ZNF185: variants seen among roughly 807,000 people sequenced by gnomAD.
The protein encoded by ZNF185 is zinc finger protein 185.
Under a neutral mutation model 58.6 loss-of-function variants are expected in ZNF185, and 56 were observed. The observed-to-expected ratio is 0.95, with a 90% CI of 0.77 to 1.19. The LOEUF (loss-of-function observed/expected upper bound fraction) is 1.19. ZNF185 is among the 50% of genes most tolerant of loss of function. ZNF185 has a pLI of 0.00. For synonymous variants in ZNF185, 230 were observed against 215.9 expected, an observed-to-expected ratio of 1.07 and a Z score of -0.57; for missense variants, 627 against 573.5, an observed-to-expected ratio of 1.09 and a Z score of -0.95.
chrX:152,959,585 T>C (rs1478978607), intron 16 of ZNF185, 114 bp from the exon 19 acceptor site: 1 of 862,454 alleles, frequency 1.2e-6, no homozygotes, highest in East Asian at 3.4e-5. Flanking sequence ...TGCCCCACTC[T>C]TGGGGAGATG....
intron 21 of ZNF185, 21 bp downstream of exon 23, chrX:152,969,505 A>T: frequency 8.8e-7 from 1 of 1,140,772 alleles, no homozygotes. Flanking sequence ...GGTGGAAGAC[A>T]CCTTGAGCTA....
intron 11 of ZNF185, among the ~76,000 whole-genome samples, chrX:152,924,079 T>TA (rs1246560660): frequency 1.8e-5 from 2 of 109,587 alleles, no homozygotes; most frequent in African/African-American, 6.9e-5. Context: ...CCTGGGCCCT[T>TA]ATATGCTCAT....
intron 14 of ZNF185, among the ~76,000 whole-genome samples, chrX:152,934,975 C>G (rs1314805172): frequency 9.0e-6 from 1 of 111,283 alleles, no homozygotes; most frequent in Non-Finnish European, 1.9e-5. Context: ...AGGCGTGGAC[C>G]ACCACGCCTG....
At position 152,935,396 on chromosome X, in the gene ZNF185, C is replaced by T. The variant is rs782505163; in HGVS notation, c.1121+2425C>T. ...GACTACAGGCGCCCGCCACCACGCC[C>T]GGCTAATTTTTTGTATTTTTTAGTA... is the stretch of plus-strand genomic sequence containing the variant. On this transcript the variant is annotated intron_variant, in intron 14 of 22. Coordinates refer to ENST00000449285, the Ensembl canonical transcript of ZNF185. Among the ~76,000 whole-genome samples, 11 of 109,466 alleles carry T rather than the reference C, an allele frequency of 1.0e-4. No homozygotes were observed. The South Asian group carries it at 2.0e-3, about 20-fold the overall frequency.
the ZNF185 span, among the ~76,000 whole-genome samples, chrX:152,908,858 G>A: frequency 8.8e-6 from 1 of 113,631 alleles, no homozygotes; most frequent in African/African-American, 3.2e-5. Context: ...GCTCTTGTGC[G>A]TGGGCTGCAC....
chrX:152,922,755 T>G lies in ZNF185; in HGVS notation c.776T>G (p.Ile259Ser), dbSNP rs368719307. ...GGCAGGACCAAAGCGTCTCGGGCAA[T>G]TTGGATCGAGTGCCTGCCAAGTATG... The change falls in exon 11 of 23, where the codon ATT (isoleucine) becomes AGT (serine). Residue 259 changes from isoleucine (I) to serine (S), a missense_variant. Coordinates refer to ENST00000449285, the Ensembl canonical transcript of ZNF185. The G allele has an allele frequency of 3.3e-6, 4 of 1,199,886 alleles. No homozygotes were observed. The African/African-American group carries it at 7.0e-5, about 21-fold the overall frequency.
intron 17 of ZNF185, among the ~76,000 whole-genome samples, chrX:152,961,865 C>T (rs1017534709): frequency 8.9e-6 from 1 of 111,783 alleles, no homozygotes; most frequent in Non-Finnish European, 1.9e-5. Flanking sequence ...AGTTTTGCAG[C>T]CAGGAAGTGG....
At chrX:152,909,528 G>A (rs1172832941), upstream of ZNF185, among the ~76,000 whole-genome samples, 1 of 112,129 alleles carries the variant, frequency 8.9e-6, no homozygotes, top group Non-Finnish European at 1.9e-5. Flanking sequence ...CTCCTGTCCC[G>A]TCATCTCTTC....
At chrX:152,956,431 C>A (rs944037324) in intron 16 of ZNF185, among the ~76,000 whole-genome samples, 2 of 110,547 alleles carry the variant, frequency 1.8e-5, no homozygotes, top group African/African-American at 3.3e-5. Flanking sequence ...AAAAATATAC[C>A]CTGAAGATTA....
intron 15 of ZNF185, among the ~76,000 whole-genome samples, chrX:152,938,511 C>G (rs782351544): frequency 9.9e-5 from 11 of 111,563 alleles, no homozygotes; most frequent in Non-Finnish European, 1.1e-4. Context: ...AAAGGCTGGT[C>G]CAGATTAGAG....
intron 16 of ZNF185, among the ~76,000 whole-genome samples, chrX:152,949,825 T>G (rs2048126966): frequency 8.9e-6 from 1 of 111,964 alleles, no homozygotes; most frequent in African/African-American, 3.2e-5. Flanking sequence ...TTGACCAGAT[T>G]AGAATCTTTG....
chrX:152,917,973 G>A, intron 5 of ZNF185, 92 bp from the exon 7 acceptor site: 1 of 1,146,721 alleles, frequency 8.7e-7, no homozygotes, highest in African/African-American at 1.8e-5. Flanking sequence ...GCAGCTCCTG[G>A]TCCACCTCTC....
At chrX:152,899,075 G>A in the ZNF185 span, among the ~76,000 whole-genome samples, 64 of 111,893 alleles carry the variant, frequency 5.7e-4, no homozygotes, top group South Asian at 1.5e-3. Context: ...GGACATCTGA[G>A]GCATGGTAGG....
intron 15 of ZNF185, 79 bp from the exon 18 acceptor site, chrX:152,945,188 A>G: frequency 9.3e-7 from 1 of 1,070,061 alleles, no homozygotes; most frequent in South Asian, 2.2e-5. Context: ...ACAGGAGGTG[A>G]CAGCCAGCTT....
intron 2 of ZNF185, 57 bp downstream of exon 3, chrX:152,914,890 G>A: frequency 1.7e-6 from 2 of 1,143,436 alleles, no homozygotes; most frequent in Non-Finnish European, 2.3e-6. Context: ...AATCCGTGGG[G>A]GACCGACCAT....
chrX:152,905,780 G>C, the ZNF185 span, among the ~76,000 whole-genome samples: 1 of 110,507 alleles, frequency 9.0e-6, no homozygotes, highest in East Asian at 2.9e-4. Context: ...GCTGGTGCTG[G>C]TGGTCCCCAG....
intron 15 of ZNF185, 121 bp downstream of exon 17, chrX:152,938,284 C>G (rs1477824725): frequency 3.0e-6 from 2 of 658,707 alleles, no homozygotes; most frequent in Non-Finnish European, 4.5e-6. Flanking sequence ...GCCTGAGGCA[C>G]ATAGCAAGGG....
intron 21 of ZNF185, among the ~76,000 whole-genome samples, chrX:152,970,117 T>C (rs1172237385): frequency 9.0e-6 from 1 of 111,329 alleles, no homozygotes; most frequent in African/African-American, 3.3e-5. Context: ...ACTTAGCAGC[T>C]TCTCCTGAGA....
chrX:152,936,524 G>C lies in ZNF185; in HGVS notation c.1122-1550G>C. On this transcript the variant is annotated intron_variant, in intron 14 of 22. Coordinates refer to ENST00000449285, the Ensembl canonical transcript of ZNF185. The stretch of plus-strand genomic sequence containing the variant: ...ACCAGCAGCCATCAGGTAAGGTTAG[G>C]GCCACTGCCCTAGTGCCCTATCCCA... The C allele has an allele frequency of 8.6e-7, 1 of 1,156,923 alleles. No homozygotes were observed. The highest frequency in any genetic ancestry group is 1.2e-6 in the Non-Finnish European group (1 of 864,879).
Sources: allele counts gnomAD v4.1 joint callset (sites outside exome capture counted in the v4.1 genomes callset), GRCh38; gene constraint gnomAD v4.1.1; transcripts MANE v1.5; gene names NCBI Gene and HGNC (gene_info 2026-07-23, HGNC 2026-07-21).